The following GSPT1 variants were observed in gnomAD, a reference collection of about 807,000 sequenced individuals.
The protein encoded by GSPT1 is G1 to S phase transition 1, also known as eukaryotic peptide chain release factor GTP-binding subunit ERF3A.
In GSPT1, 20 loss-of-function variants were observed where a neutral mutation model predicts 72.5. That is an observed-to-expected ratio of 0.28 (90% CI 0.19 to 0.40). GSPT1 has a LOEUF of 0.40. Ranked by LOEUF, GSPT1 falls within the 10% of genes least tolerant of loss-of-function variation. The pLI is 1.00. For missense variants in GSPT1, 580 were observed against 811.9 expected, an observed-to-expected ratio of 0.71 and a Z score of 3.47; for synonymous variants, 334 against 293.5, an observed-to-expected ratio of 1.14 and a Z score of -1.41.
intron 1 of GSPT1, among the ~76,000 whole-genome samples, chr16:11,902,800 T>C (rs1596472721): frequency 6.6e-6 from 1 of 152,148 alleles, no homozygotes; most frequent in East Asian, 1.9e-4. Context: ...GTTGCCAGGC[T>C]GGTCTCAAAC....
chr16:11,873,548 T>C (rs1320799914), intron 14 of GSPT1, among the ~76,000 whole-genome samples: 4 of 152,082 alleles, frequency 2.6e-5, no homozygotes, highest in Non-Finnish European at 4.4e-5. Flanking sequence ...TGACCTCAGG[T>C]GATCCACCCG....
intron 5 of GSPT1, among the ~76,000 whole-genome samples, chr16:11,891,515 C>T (rs908950907): frequency 2.6e-5 from 4 of 151,602 alleles, no homozygotes. Flanking sequence ...GCACCCACCA[C>T]CAAACCCGGC....
At chr16:11,901,686 G>A (rs1344492128) in intron 1 of GSPT1, among the ~76,000 whole-genome samples, 3 of 151,746 alleles carry the variant, frequency 2.0e-5, no homozygotes, top group Non-Finnish European at 4.4e-5. Flanking sequence ...CAGCTACTCA[G>A]GAAACTGAGG....
chr16:11,915,891 C>A lies in GSPT1; in HGVS notation c.-171G>T, dbSNP rs774048702. On this transcript the variant is annotated 5_prime_UTR_variant, in exon 1 of 15. Coordinates refer to ENST00000434724, the MANE Select transcript of GSPT1 (RefSeq NM_002094.4). ...GCGGCAGCAGCTCCAGTCCCGACTC[C>A]ACACTCGCGACGACGACAGAGGCGG... 3 of 967,844 alleles carry A rather than the reference C, an allele frequency of 3.1e-6. No homozygotes were observed. Among genetic ancestry groups the A allele is most frequent in the Admixed American group, 1.7e-5 (1 of 58,342 alleles). 60.0% of individuals were successfully genotyped at this position (967,844 alleles called of 1,614,324 possible). A position where few individuals can be genotyped will look rare whatever the true frequency, so the allele number is the denominator to read the frequency against.
chr16:11,875,062 A>G (rs1185313673), intron 14 of GSPT1, among the ~76,000 whole-genome samples: 41 of 152,176 alleles, frequency 2.7e-4, no homozygotes, highest in South Asian at 1.0e-3. Flanking sequence ...TGGTGGCAGC[A>G]CCTATAGTCC....
At chr16:11,882,953 T>A (rs2054139603) in intron 11 of GSPT1, 62 bp downstream of exon 11, 1 of 1,027,418 alleles carries the variant, frequency 9.7e-7, no homozygotes, top group Non-Finnish European at 1.5e-6. Context: ...GAAGACCCTA[T>A]CTCTTAAAGA....
rs755370774 is a variant in GSPT1 at position 11,886,947 on chromosome 16, G to C, written c.958-16C>G. The C allele has an allele frequency of 1.9e-6, 3 of 1,609,050 alleles. No homozygotes were observed. The highest frequency in any genetic ancestry group is 2.5e-6 in the Non-Finnish European group (3 of 1,177,190). On this transcript the variant is annotated splice_polypyrimidine_tract_variant and intron_variant, in intron 7 of 14. Coordinates refer to ENST00000434724, the MANE Select transcript of GSPT1 (RefSeq NM_002094.4). The stretch of plus-strand genomic sequence containing the variant: ...CTGAGATTACCTAATTCCAAGAAAG[G>C]AAACAGTTTACTCCTTCGCCTTCAG...
chr16:11,915,376 G>A lies in GSPT1; in HGVS notation c.345C>T (p.Gly115=), dbSNP rs1365221970. Residue 115 remains glycine, a synonymous_variant, in exon 1 of 15, where the codon GGC becomes GGT. Transcript: ENST00000434724. ...NNHGAGSGAG[G]RAAPVESSQE... ...CGCGTCCCGGGCCTTTACCCGCACG[G>A]CCTCCCGCGCCGCTGCCGGCTCCGT... 22 of 1,482,616 alleles carry A rather than the reference G, an allele frequency of 1.5e-5. No homozygotes were observed. The highest frequency in any genetic ancestry group is 1.9e-5 in the Non-Finnish European group (21 of 1,121,860). 91.8% of individuals were successfully genotyped at this position (1,482,616 alleles called of 1,614,324 possible). A position where few individuals can be genotyped will look rare whatever the true frequency, so the allele number is the denominator to read the frequency against.
chr16:11,880,281 A>G (rs1457332180), intron 11 of GSPT1: 2 of 152,214 alleles, frequency 1.3e-5, no homozygotes, highest in African/African-American at 4.8e-5. Context: ...ACTGTGAATA[A>G]TACATGTATG....
At position 11,868,875 on chromosome 16, in the gene GSPT1, AG is replaced by A. The variant is rs1269530203; in HGVS notation, c.*4243del. 6.6e-6 allele frequency: 1 copy of A among 152,244 alleles called. No individual in the cohort carries two copies. The highest frequency in any genetic ancestry group is 1.5e-5 in the Non-Finnish European group (1 of 68,046). 9.4% of individuals were successfully genotyped at this position (152,244 alleles called of 1,614,324 possible). A position where few individuals can be genotyped will look rare whatever the true frequency, so the allele number is the denominator to read the frequency against. ...TGGTGTTTTCTGCCTAATCAGAAGT[AG>A]TACCAACCTGCTTTTCCCTTATATT... On this transcript the variant is annotated 3_prime_UTR_variant, in exon 15 of 15. Coordinates refer to ENST00000434724, the MANE Select transcript of GSPT1 (RefSeq NM_002094.4).
chr16:11,878,849 G>A lies in GSPT1; in HGVS notation c.1429-1269C>T, dbSNP rs187181118. 4.8e-3 allele frequency among the ~76,000 whole-genome samples: 726 copies of A among 152,000 alleles called. 2 individuals are homozygous for A. Among genetic ancestry groups the A allele is most frequent in the Non-Finnish European group, 7.9e-3 (535 of 67,972 alleles). ...GGGAGGCCGAGGCGGGTGATCACCT[G>A]AGATCAGGAGTTTGAGACCAGCCTG... is the stretch of plus-strand genomic sequence containing the variant. On this transcript the variant is annotated intron_variant, in intron 11 of 14. Coordinates refer to ENST00000434724, the MANE Select transcript of GSPT1 (RefSeq NM_002094.4).
chr16:11,906,187 G>A (rs1215682506), intron 1 of GSPT1, among the ~76,000 whole-genome samples: 1 of 152,022 alleles, frequency 6.6e-6, no homozygotes, highest in African/African-American at 2.4e-5. Flanking sequence ...GTTCAGGCAT[G>A]AGCCACCACA....
Position 11,891,611 on chromosome 16 carries a change from C to T in GSPT1, c.699-472G>A, listed in dbSNP as rs188432128. Among the ~76,000 whole-genome samples, 208 of 151,522 alleles carry T rather than the reference C, an allele frequency of 1.4e-3. 2 individuals are homozygous for T. The highest frequency in any genetic ancestry group is 4.4e-3 in the African/African-American group (182 of 41,318). On this transcript the variant is annotated intron_variant, in intron 5 of 14. Coordinates refer to ENST00000434724, the MANE Select transcript of GSPT1 (RefSeq NM_002094.4). ...TCCTGACCTTGGGTGATCCACCTGC[C>T]GCAGCCTCCCAAAGTGCTGGGATTA... is the stretch of plus-strand genomic sequence containing the variant.
chr16:11,912,783 C>T (rs1163453204), intron 1 of GSPT1, among the ~76,000 whole-genome samples: 1 of 152,192 alleles, frequency 6.6e-6, no homozygotes, highest in Non-Finnish European at 1.5e-5. Flanking sequence ...GGGGACCTCA[C>T]TTTTTAAGGA....
rs528785012 is a variant in GSPT1, at chr16:11,900,104, C to CG, written c.353-2070dup. Among the ~76,000 whole-genome samples the CG allele has an allele frequency of 2.5e-4, 38 of 152,036 alleles. No individual in the cohort carries two copies. The East Asian group carries it at 6.6e-3, about 26-fold the overall frequency. ...ATCCCAACACTTTGGGAGGCGGAAG[C>CG]GGGGGGATCATTTGAGTTCGGGAGT... On this transcript the variant is annotated intron_variant, in intron 1 of 14. Coordinates refer to ENST00000434724, the MANE Select transcript of GSPT1 (RefSeq NM_002094.4).
chr16:11,892,526 A>ATAAAT (rs1567443303), intron 5 of GSPT1, among the ~76,000 whole-genome samples: 1 of 144,580 alleles, frequency 6.9e-6, no homozygotes, highest in South Asian at 2.1e-4. Flanking sequence ...AAAAAAACAA[A>ATAAAT]AAAAACAAAA....
intron 9 of GSPT1, among the ~76,000 whole-genome samples, 160 bp downstream of exon 9, chr16:11,886,311 A>G (rs1380413634): frequency 2.6e-5 from 4 of 152,212 alleles, no homozygotes; most frequent in African/African-American, 9.6e-5. Flanking sequence ...AGATCTTAGT[A>G]TTTTTAAAGC....
chr16:11,891,046 T>G lies in GSPT1; in HGVS notation c.776+16A>C. 8.3e-7 allele frequency: 1 copy of G among 1,207,980 alleles called. No homozygotes were observed. The highest frequency in any genetic ancestry group is 1.2e-6 in the Non-Finnish European group (1 of 844,406). 74.8% of individuals were successfully genotyped at this position (1,207,980 alleles called of 1,614,324 possible). Reference sequence around the variant, plus strand: ...CCTTAAAAGTAATTTATAAGTGTCATAAAAGTTTACTATACCAAGTTTCTC... The same window carrying G: ...CCTTAAAAGTAATTTATAAGTGTCAGAAAAGTTTACTATACCAAGTTTCTC... On this transcript the variant is annotated intron_variant, in intron 6 of 14. Transcript: ENST00000434724.
chr16:11,900,324 C>A (rs1453734660), intron 1 of GSPT1, among the ~76,000 whole-genome samples: 1 of 80,772 alleles, frequency 1.2e-5, no homozygotes, highest in Non-Finnish European at 2.7e-5. Context: ...GAATGAAACT[C>A]CGTCTCAAAA....
Sources: allele counts gnomAD v4.1 joint callset (sites outside exome capture counted in the v4.1 genomes callset), GRCh38; gene constraint gnomAD v4.1.1; transcripts MANE v1.5; gene names NCBI Gene and HGNC (gene_info 2026-07-23, HGNC 2026-07-21).